Variants in CTIF observed in about 807,000 individuals in gnomAD.
CTIF encodes CBP80/20-dependent translation initiation factor.
Under a neutral mutation model 66.0 loss-of-function variants are expected in CTIF, and 21 were observed. The ratio of observed to expected loss-of-function variants is 0.32; its 90% confidence interval spans 0.23 to 0.46. CTIF has a LOEUF of 0.46. CTIF is among the 20% of genes least tolerant of loss of function. The pLI is 1.00. For synonymous variants in CTIF, 345 were observed against 326.4 expected, an observed-to-expected ratio of 1.06 and a Z score of -0.62; for missense variants, 739 against 812.7, an observed-to-expected ratio of 0.91 and a Z score of 1.10.
intron 7 of CTIF, among the ~76,000 whole-genome samples, chr18:48,749,604 T>G (rs528719767): frequency 6.6e-6 from 1 of 152,154 alleles, no homozygotes; most frequent in Non-Finnish European, 1.5e-5. Context: ...ATAATAATAT[T>G]ACAAACAAAC....
rs112154190 is a variant in CTIF at position 48,724,363 on chromosome 18, T to A, written c.584+12668T>A. ...GGCCTGCTCCACCTGCCCTCAGCTC[T>A]GTCCCCACCTACCCTCCCACCCACT... On this transcript the variant is annotated intron_variant, in intron 7 of 11. Coordinates refer to ENST00000256413, the MANE Select transcript of CTIF (RefSeq NM_014772.3). Among the ~76,000 whole-genome samples, 466 of 152,284 alleles carry A rather than the reference T, an allele frequency of 3.1e-3. 2 individuals are homozygous for A. The highest frequency in any genetic ancestry group is 0.011 in the African/African-American group (444 of 41,570).
intron 10 of CTIF, among the ~76,000 whole-genome samples, chr18:48,849,722 A>T (rs954501121): frequency 4.6e-5 from 7 of 151,118 alleles, no homozygotes; most frequent in African/African-American, 1.5e-4. Context: ...AGTAGCTGGG[A>T]CTACAGGCCC....
chr18:48,808,753 C>T (rs779340953), intron 9 of CTIF, among the ~76,000 whole-genome samples: 1 of 152,134 alleles, frequency 6.6e-6, no homozygotes, highest in Admixed American at 6.5e-5. Context: ...GCTCTCCATT[C>T]GGATGTCAGC....
At chr18:48,586,350 C>G (rs889092889) in intron 1 of CTIF, among the ~76,000 whole-genome samples, 3 of 150,734 alleles carry the variant, frequency 2.0e-5, no homozygotes, top group Non-Finnish European at 2.9e-5. Flanking sequence ...AATCTTAGCT[C>G]ACCACAACCT....
At chr18:48,778,025 C>T (rs915664713) in intron 9 of CTIF, among the ~76,000 whole-genome samples, 1 of 152,214 alleles carries the variant, frequency 6.6e-6, no homozygotes, top group African/African-American at 2.4e-5. Flanking sequence ...TGGTCCCACG[C>T]CTGGGGCCCC....
intron 9 of CTIF, among the ~76,000 whole-genome samples, chr18:48,764,395 G>A (rs1323183361): frequency 6.6e-6 from 1 of 152,148 alleles, no homozygotes; most frequent in Admixed American, 6.5e-5. Context: ...ACTGGGGTGC[G>A]TGCCGTTACT....
At chr18:48,678,021 G>A (rs2145103112) in intron 6 of CTIF, among the ~76,000 whole-genome samples, 1 of 152,328 alleles carries the variant, frequency 6.6e-6, no homozygotes, top group East Asian at 1.9e-4. Flanking sequence ...CACACAGCTG[G>A]GAGAAGGGGG....
rs75830458 is a variant in CTIF, at chr18:48,786,697, C to T, written c.1371+25008C>T. On this transcript the variant is annotated intron_variant, in intron 9 of 11. Transcript: ENST00000256413. ...GTTTAAGTCAATGTTTGCCCTTTGG[C>T]CTTGCCTGTTCTTAGCTAGATCAGA... 3.8e-3 allele frequency among the ~76,000 whole-genome samples: 585 copies of T among 152,308 alleles called. 2 individuals are homozygous for T. Among genetic ancestry groups the T allele is most frequent in the African/African-American group, 0.013 (554 of 41,522 alleles).
intron 5 of CTIF, among the ~76,000 whole-genome samples, chr18:48,669,617 G>A (rs879883567): frequency 2.6e-5 from 4 of 151,388 alleles, no homozygotes; most frequent in Non-Finnish European, 4.4e-5. Flanking sequence ...AATGAAAGTA[G>A]TCATAGTAGT....
Position 48,780,454 on chromosome 18 carries a change from C to T in CTIF, c.1371+18765C>T, listed in dbSNP as rs565305627. Among the ~76,000 whole-genome samples, 20 of 152,074 alleles carry T rather than the reference C, an allele frequency of 1.3e-4. No individual in the cohort carries two copies. In the South Asian group the frequency reaches 4.0e-3, roughly 30 times the overall value. ...TCATGACCCCGTCATCTCGGTGTCC[C>T]GGTGTTAGTTCAAAATCAGGCTCAA... On this transcript the variant is annotated intron_variant, in intron 9 of 11. Transcript: ENST00000256413.
intron 9 of CTIF, among the ~76,000 whole-genome samples, chr18:48,785,011 A>G (rs1342925261): frequency 6.6e-6 from 1 of 152,270 alleles, no homozygotes; most frequent in African/African-American, 2.4e-5. Flanking sequence ...ATGCGTGAGC[A>G]TGGAGTTTTG....
intron 2 of CTIF, among the ~76,000 whole-genome samples, chr18:48,620,711 C>G (rs1231734742): frequency 1.3e-5 from 2 of 152,232 alleles, no homozygotes; most frequent in Non-Finnish European, 2.9e-5. Context: ...GGATCCGCCT[C>G]TCGTGCGTGT....
At chr18:48,615,250 G>A (rs2090377127) in intron 1 of CTIF, among the ~76,000 whole-genome samples, 1 of 152,230 alleles carries the variant, frequency 6.6e-6, no homozygotes, top group South Asian at 2.1e-4. Context: ...GGGGGCCTAA[G>A]TGCCGGGCTG....
intron 7 of CTIF, among the ~76,000 whole-genome samples, chr18:48,757,560 A>G (rs893313719): frequency 1.3e-5 from 2 of 152,246 alleles, no homozygotes; most frequent in African/African-American, 2.4e-5. Context: ...CTGCTTCCAA[A>G]GGCCATATGT....
At chr18:48,788,795 C>T (rs1263922200) in intron 9 of CTIF, among the ~76,000 whole-genome samples, 1 of 152,166 alleles carries the variant, frequency 6.6e-6, no homozygotes, top group Non-Finnish European at 1.5e-5. Flanking sequence ...AGAAGAAGCA[C>T]TTGTACTTCT....
At chr18:48,710,619 CCTGTGATCCTGCATTTGCAGGAT>C (rs1205382974) in intron 6 of CTIF, among the ~76,000 whole-genome samples, 1 of 152,164 alleles carries the variant, frequency 6.6e-6, no homozygotes, top group Non-Finnish European at 1.5e-5. Flanking sequence ...AATAGCTCTG[CCTGTGATCCTGCATTTGCAGGAT>C]CTGCCCTGGG....
At chr18:48,681,048 C>G (rs192001696) in intron 6 of CTIF, among the ~76,000 whole-genome samples, 11 of 152,356 alleles carry the variant, frequency 7.2e-5, no homozygotes, top group Middle Eastern at 6.8e-3. Flanking sequence ...GGCGGCCCCC[C>G]CAGGACACAC....
chr18:48,543,048 G>T (rs147981006), intron 1 of CTIF, among the ~76,000 whole-genome samples: 1 of 152,356 alleles, frequency 6.6e-6, no homozygotes, highest in East Asian at 1.9e-4. Context: ...TTACAGGTCT[G>T]TGTAGGTGTG....
At chr18:48,613,993 C>T (rs990854090) in intron 1 of CTIF, among the ~76,000 whole-genome samples, 4 of 152,198 alleles carry the variant, frequency 2.6e-5, no homozygotes, top group Non-Finnish European at 4.4e-5. Context: ...GGCAGGGAAT[C>T]GGAGCAGAGC....
Sources: gnomAD v4.1 joint callset for allele counts (sites outside exome capture counted in the v4.1 genomes callset) on GRCh38, gnomAD v4.1.1 for gene constraint, MANE v1.5 for transcripts, NCBI Gene and HGNC (gene_info 2026-07-23, HGNC 2026-07-21) for gene names.